The following LARS2 variants were observed in gnomAD, a reference collection of about 807,000 sequenced individuals.
The protein encoded by LARS2 is leucyl-tRNA synthetase 2, mitochondrial.
In LARS2, 81 loss-of-function variants were observed where a neutral mutation model predicts 116.6. That is an observed-to-expected ratio of 0.69 (90% CI 0.58 to 0.84). The LOEUF (loss-of-function observed/expected upper bound fraction) is 0.84, where lower values mean the gene tolerates loss of function less well. Among genes scored for constraint, LARS2 ranks in the 40% least tolerant of loss-of-function variants. LARS2 has a pLI of 0.00. For missense variants in LARS2, 968 were observed against 1,114.5 expected (o/e 0.87, Z 1.87); for synonymous variants, 396 against 407.2 (o/e 0.97, Z 0.33).
intron 20 of LARS2, among the ~76,000 whole-genome samples, chr3:45,532,216 T>C (rs1156665362): frequency 6.6e-6 from 1 of 152,248 alleles, no homozygotes; most frequent in Admixed American, 6.5e-5. Context: ...AGATGTGATG[T>C]TGGCTGTTGG....
Position 45,490,947 on chromosome 3 carries a change from G to A in LARS2, c.1240-570G>A, listed in dbSNP as rs539790257. ...AAAGAGTGGTCTGGTTCTTCAAGCC[G>A]AAGCCTCAGAATGTTCCTCTGCTTG... On this transcript the variant is annotated intron_variant, in intron 12 of 21. Transcript: ENST00000645846. 4.8e-4 allele frequency among the ~76,000 whole-genome samples: 73 copies of A among 152,228 alleles called. 1 individual carries two copies. The highest frequency in any genetic ancestry group is 8.1e-4 in the Non-Finnish European group (55 of 68,044).
intron 16 of LARS2, among the ~76,000 whole-genome samples, chr3:45,513,794 C>T (rs1217514291): frequency 6.6e-6 from 1 of 152,178 alleles, no homozygotes; most frequent in Non-Finnish European, 1.5e-5. Flanking sequence ...GCATTTTCAC[C>T]CTTTACCCTT....
intron 8 of LARS2, among the ~76,000 whole-genome samples, chr3:45,471,075 T>C (rs1331522638): frequency 1.1e-5 from 1 of 94,378 alleles, no homozygotes; most frequent in East Asian, 3.3e-4. Context: ...AAAAGAAGGA[T>C]ATAAACTAAA....
At chr3:45,455,431 G>A (rs1246294900) in intron 7 of LARS2, among the ~76,000 whole-genome samples, 1 of 152,044 alleles carries the variant, frequency 6.6e-6, no homozygotes, top group Non-Finnish European at 1.5e-5. Flanking sequence ...GTTGTCTGGA[G>A]TGGGGAGATG....
chr3:45,509,106 G>A (rs1700242960), intron 15 of LARS2, among the ~76,000 whole-genome samples: 1 of 152,094 alleles, frequency 6.6e-6, no homozygotes, highest in Admixed American at 6.6e-5. Flanking sequence ...GAAGGAGTAG[G>A]AAGAAAGCTG....
In LARS2 at chr3:45,415,497, A is replaced by T. The variant is rs571457853; in HGVS notation, c.364-1985A>T. ...AACTGAGGAGAAAAGGAACCTACAC[A>T]TGGAACCTTTCTTATACCAAAAGCA... On this transcript the variant is annotated intron_variant, in intron 4 of 21. Transcript: ENST00000645846. 3.2e-4 allele frequency among the ~76,000 whole-genome samples: 48 copies of T among 152,264 alleles called. No homozygotes were observed. The South Asian group carries it at 6.2e-3, about 20-fold the overall frequency.
chr3:45,491,569 G>A lies in LARS2; in HGVS notation c.1292G>A (p.Arg431Gln), dbSNP rs373174007. ...DAFLALTQKA[R>Q]GKRVGGDVTS... Reference sequence around the variant, plus strand: ...TTTCTAGCCCTGACTCAGAAAGCCCGGGGGAAGAGAGTGGGTGGAGACGTG... The same window carrying A: ...TTTCTAGCCCTGACTCAGAAAGCCCAGGGGAAGAGAGTGGGTGGAGACGTG... Residue 431 changes from arginine (R) to glutamine (Q), a missense_variant, in exon 13 of 22, where the codon CGG becomes CAG. Coordinates refer to ENST00000645846, the MANE Select transcript of LARS2 (RefSeq NM_015340.4). 16 of 1,614,060 alleles carry A rather than the reference G, an allele frequency of 9.9e-6. No homozygotes were observed. Among genetic ancestry groups the A allele is most frequent in the African/African-American group, 6.7e-5 (5 of 74,924 alleles).
chr3:45,521,820 A>G (rs908241164), intron 19 of LARS2, among the ~76,000 whole-genome samples: 2 of 152,028 alleles, frequency 1.3e-5, no homozygotes, highest in African/African-American at 4.8e-5. Context: ...TAACGTAACT[A>G]TTCAGGGCCA....
At chr3:45,488,012 C>T (rs1166105533) in intron 11 of LARS2, among the ~76,000 whole-genome samples, 2 of 152,082 alleles carry the variant, frequency 1.3e-5, no homozygotes, top group South Asian at 2.1e-4. Context: ...GAGTCAGCCC[C>T]GCTTCTTGAG....
rs978110272 is a variant in LARS2 at position 45,491,759 on chromosome 3, A to G, written c.1482A>G (p.Pro494=). The G allele has an allele frequency of 1.2e-6, 2 of 1,613,786 alleles. No homozygotes were observed. The highest frequency in any genetic ancestry group is 1.3e-5 in the African/African-American group (1 of 74,910). The change falls in exon 13 of 22, where the codon CCA becomes CCG. Residue 494 remains proline (P), a synonymous_variant. Coordinates refer to ENST00000645846, the MANE Select transcript of LARS2 (RefSeq NM_015340.4). ...IASFTGKGGP[P]LAMASEWVNC... ...CTTTCACTGGCAAGGGAGGCCCCCCACTGGCCATGGCTTCAGAGTGGGTGA... is the reference window on the plus strand; with the variant it reads ...CTTTCACTGGCAAGGGAGGCCCCCCGCTGGCCATGGCTTCAGAGTGGGTGA...
intron 18 of LARS2, 121 bp downstream of exon 18, chr3:45,518,193 G>T: frequency 4.4e-6 from 3 of 679,646 alleles, no homozygotes; most frequent in Middle Eastern, 4.0e-4. Flanking sequence ...TTCCTTCCTG[G>T]CAATGGCGGT....
chr3:45,539,781 G>T (rs1244032469), intron 20 of LARS2, among the ~76,000 whole-genome samples: 2 of 151,912 alleles, frequency 1.3e-5, no homozygotes, highest in Non-Finnish European at 2.9e-5. Context: ...TATTAAACTA[G>T]GGTCCTATTA....
At chr3:45,413,011 A>C (rs577153747) in intron 4 of LARS2, among the ~76,000 whole-genome samples, 1 of 152,312 alleles carries the variant, frequency 6.6e-6, no homozygotes, top group African/African-American at 2.4e-5. Context: ...CCTGATGTGA[A>C]TCATTAACTA....
intron 4 of LARS2, among the ~76,000 whole-genome samples, chr3:45,409,904 CTT>C (rs1253755811): frequency 1.3e-5 from 2 of 152,162 alleles, no homozygotes; most frequent in Admixed American, 1.3e-4. Flanking sequence ...ATTTTTCTAA[CTT>C]TATTTTCATG....
rs1364798694 is a variant in LARS2 at position 45,394,608 on chromosome 3, C to T, written c.155C>T (p.Thr52Ile). 6.2e-7 allele frequency: 1 copy of T among 1,614,140 alleles called. No individual in the cohort carries two copies. The highest frequency in any genetic ancestry group is 8.5e-7 in the Non-Finnish European group (1 of 1,179,988). The stretch of plus-strand genomic sequence containing the variant: ...ACGGGAAAGTGGACAAAAGAGTATA[C>T]ATTGCAGACAAGAAAGGATGTTGAG... Reference protein sequence around the residue: ...SATGKWTKEYTLQTRKDVEKW... With the variant: ...SATGKWTKEYILQTRKDVEKW... The change falls in exon 3 of 22, where the codon ACA becomes ATA. Residue 52 changes from threonine (T) to isoleucine (I), a missense_variant. Thr to Ile is a moderately conservative substitution (Grantham distance 89). Transcript: ENST00000645846.
At chr3:45,395,902 A>G (rs1007055015) in intron 3 of LARS2, among the ~76,000 whole-genome samples, 1 of 152,274 alleles carries the variant, frequency 6.6e-6, no homozygotes, top group Non-Finnish European at 1.5e-5. Context: ...TTTTACAATG[A>G]AAGCTTGACT....
intron 4 of LARS2, among the ~76,000 whole-genome samples, chr3:45,411,545 A>G (rs1317051041): frequency 6.6e-6 from 1 of 152,236 alleles, no homozygotes; most frequent in Non-Finnish European, 1.5e-5. Context: ...ACTTCATCTT[A>G]AAGTTTTTCC....
At chr3:45,404,548 T>C (rs1698202596) in intron 4 of LARS2, among the ~76,000 whole-genome samples, 1 of 152,172 alleles carries the variant, frequency 6.6e-6, no homozygotes, top group Non-Finnish European at 1.5e-5. Context: ...GAATATCTAA[T>C]CTGGGCCTGC....
At chr3:45,475,815 G>C (rs1037351207) in intron 9 of LARS2, among the ~76,000 whole-genome samples, 3 of 152,318 alleles carry the variant, frequency 2.0e-5, no homozygotes, top group East Asian at 3.9e-4. Context: ...CTGTCTTTTA[G>C]TTCATTATTG....
Sources: allele counts gnomAD v4.1 joint callset (sites outside exome capture counted in the v4.1 genomes callset), GRCh38; gene constraint gnomAD v4.1.1; transcripts MANE v1.5; gene names NCBI Gene and HGNC (gene_info 2026-07-23, HGNC 2026-07-21).